REDIC1: variants seen among roughly 807,000 people sequenced by gnomAD.
The protein encoded by REDIC1 is regulator of DNA class I crossover intermediates 1.
At chr12:39,722,633 A>G in the REDIC1 span, among the ~76,000 whole-genome samples, 1 of 152,162 alleles carries the variant, frequency 6.6e-6, no homozygotes, top group Non-Finnish European at 1.5e-5. Flanking sequence ...GTCTAGCAAT[A>G]TTGAAAGTAC....
At chr12:39,646,499 A>G in the REDIC1 span, 1 of 1,519,216 alleles carries the variant, frequency 6.6e-7, no homozygotes, top group South Asian at 1.2e-5. Context: ...TAGGTGTTTA[A>G]ACTGGTTATT....
chr12:39,764,554 A>G, the REDIC1 span: 1 of 1,611,616 alleles, frequency 6.2e-7, no homozygotes, highest in Admixed American at 1.7e-5. Flanking sequence ...CATTTCCTGT[A>G]CTTCTTGCCC....
chr12:39,790,901 T>G, the REDIC1 span, among the ~76,000 whole-genome samples: 1 of 37,152 alleles, frequency 2.7e-5, no homozygotes, highest in Admixed American at 3.4e-4. Context: ...GACTTTTTAA[T>G]GATTGCCATT....
the REDIC1 span, among the ~76,000 whole-genome samples, chr12:39,717,605 CTT>C: frequency 6.6e-6 from 1 of 152,060 alleles, no homozygotes; most frequent in South Asian, 2.1e-4. Flanking sequence ...GGCAGGCACA[CTT>C]GGTGTAACTT....
At chr12:39,719,109 T>C in the REDIC1 span, among the ~76,000 whole-genome samples, 1 of 152,148 alleles carries the variant, frequency 6.6e-6, no homozygotes, top group African/African-American at 2.4e-5. Context: ...ATTTAGCTTT[T>C]GCTTGTGTAT....
the REDIC1 span, among the ~76,000 whole-genome samples, chr12:39,657,186 T>C: frequency 2.2e-4 from 34 of 152,348 alleles, no homozygotes; most frequent in African/African-American, 6.5e-4. Flanking sequence ...TTTTATGCTG[T>C]ATTTTTTTCC....
the REDIC1 span, among the ~76,000 whole-genome samples, chr12:39,807,292 G>C: frequency 6.6e-6 from 1 of 152,098 alleles, no homozygotes; most frequent in African/African-American, 2.4e-5. Context: ...TGTACTGGTG[G>C]ACACACAAGC....
At chr12:39,819,412 G>A in the REDIC1 span, among the ~76,000 whole-genome samples, 5 of 151,944 alleles carry the variant, frequency 3.3e-5, no homozygotes, top group Non-Finnish European at 7.4e-5. Context: ...CAGATTTACA[G>A]TCCATATCTT....
chr12:39,711,697 A>ATATG, the REDIC1 span, among the ~76,000 whole-genome samples: 18 of 33,846 alleles, frequency 5.3e-4, no homozygotes, highest in Admixed American at 5.1e-3. Context: ...ATGTATGTGT[A>ATATG]TGTGTATACA....
the REDIC1 span, chr12:39,648,047 A>G: frequency 9.2e-7 from 1 of 1,090,548 alleles, no homozygotes; most frequent in Non-Finnish European, 1.2e-6. Flanking sequence ...TTTTCTTTTT[A>G]TAGATTTAAA....
the REDIC1 span, among the ~76,000 whole-genome samples, chr12:39,843,051 T>C: frequency 2.0e-5 from 3 of 152,028 alleles, no homozygotes; most frequent in African/African-American, 7.2e-5. Context: ...TTTTTCGCTG[T>C]TTTATAAAAA....
At chr12:39,716,518 G>C in the REDIC1 span, among the ~76,000 whole-genome samples, 1 of 151,766 alleles carries the variant, frequency 6.6e-6, no homozygotes, top group Non-Finnish European at 1.5e-5. Flanking sequence ...CTTCACTTAC[G>C]TTATATACCC....
At chr12:39,750,062 G>A in the REDIC1 span, among the ~76,000 whole-genome samples, 6 of 152,252 alleles carry the variant, frequency 3.9e-5, no homozygotes, top group Admixed American at 2.6e-4. Context: ...TGGAAGTTCC[G>A]GCCAGGGCAA....
At chr12:39,847,175 C>T in the REDIC1 span, among the ~76,000 whole-genome samples, 1 of 152,062 alleles carries the variant, frequency 6.6e-6, no homozygotes, top group Non-Finnish European at 1.5e-5. Flanking sequence ...CTATTTGGTC[C>T]ATTGATTTGT....
the REDIC1 span, among the ~76,000 whole-genome samples, chr12:39,902,358 T>TA: frequency 7.4e-4 from 112 of 151,250 alleles, 1 homozygote; most frequent in African/African-American, 2.6e-3. Context: ...AAATAAAAAT[T>TA]AAAAAAAAGA....
the REDIC1 span, among the ~76,000 whole-genome samples, chr12:39,863,053 A>T: frequency 6.6e-6 from 1 of 152,172 alleles, no homozygotes; most frequent in African/African-American, 2.4e-5. Flanking sequence ...TTACTCATAC[A>T]ATAAATAATT....
At chr12:39,750,270 A>G in the REDIC1 span, among the ~76,000 whole-genome samples, 3 of 152,216 alleles carry the variant, frequency 2.0e-5, no homozygotes, top group Non-Finnish European at 4.4e-5. Context: ...CTTATACACC[A>G]ATAACAGACA....
the REDIC1 span, among the ~76,000 whole-genome samples, chr12:39,696,460 G>C: frequency 9.5e-4 from 133 of 140,490 alleles, no homozygotes; most frequent in Non-Finnish European, 1.8e-3. Context: ...GGAGAATGGC[G>C]TGAACCCGGG....
chr12:39,676,138 A>G, the REDIC1 span, among the ~76,000 whole-genome samples: 2 of 152,198 alleles, frequency 1.3e-5, no homozygotes, highest in African/African-American at 2.4e-5. Context: ...CAGAAGGTTG[A>G]TTAATATACT....
Sources: allele counts gnomAD v4.1 joint callset (sites outside exome capture counted in the v4.1 genomes callset), GRCh38; gene constraint gnomAD v4.1.1; transcripts MANE v1.5; gene names NCBI Gene and HGNC (gene_info 2026-07-23, HGNC 2026-07-21).